The following USP34 variants were observed in gnomAD, a reference collection of about 807,000 sequenced individuals.
The protein encoded by USP34 is ubiquitin specific peptidase 34.
Under a neutral mutation model 460.3 loss-of-function variants are expected in USP34, and 70 were observed. The ratio of observed to expected loss-of-function variants is 0.15; its 90% CI spans 0.13 to 0.19. The LOEUF (loss-of-function observed/expected upper bound fraction) is 0.19. Among genes scored for constraint, USP34 ranks in the 10% least tolerant of loss-of-function variants. The pLI is 1.00. For missense variants in USP34, 3,985 were observed against 4,236.2 expected (o/e 0.94, Z 1.65); for synonymous variants, 1,647 against 1,405.3 (o/e 1.17, Z -3.85).
intron 1 of USP34, among the ~76,000 whole-genome samples, chr2:61,465,219 T>C (rs1265745449): frequency 6.6e-6 from 1 of 152,162 alleles, no homozygotes; most frequent in African/African-American, 2.4e-5. Context: ...GCAAGGGTAC[T>C]TATGATAGGA....
chr2:61,334,208 G>A (rs1451808835), intron 18 of USP34, among the ~76,000 whole-genome samples: 1 of 151,998 alleles, frequency 6.6e-6, no homozygotes, highest in Non-Finnish European at 1.5e-5. Flanking sequence ...ATAAATATCT[G>A]GGTAAAAAAG....
chr2:61,296,121 T>A (rs1690021175), intron 30 of USP34, among the ~76,000 whole-genome samples: 1 of 152,068 alleles, frequency 6.6e-6, no homozygotes, highest in South Asian at 2.1e-4. Context: ...GAGCCAGGCA[T>A]GGTGCACACG....
intron 1 of USP34, among the ~76,000 whole-genome samples, chr2:61,421,441 A>T (rs1039808565): frequency 1.3e-5 from 2 of 152,190 alleles, no homozygotes; most frequent in African/African-American, 4.8e-5. Context: ...AATAATAAAA[A>T]TTGAACATAA....
At chr2:61,229,521 C>T (rs766773474) in intron 59 of USP34, 27 bp downstream of exon 59, 4 of 1,395,634 alleles carry the variant, frequency 2.9e-6, no homozygotes, top group South Asian at 2.5e-5. Flanking sequence ...CACAGACACA[C>T]AAACTTATTC....
rs576705362 is a variant in USP34 at position 61,336,369 on chromosome 2, C to G, written c.2745-2398G>C. Among the ~76,000 whole-genome samples the G allele has an allele frequency of 3.9e-5, 6 of 152,036 alleles. No individual in the cohort carries two copies. The South Asian group carries it at 1.0e-3, about 26-fold the overall frequency. On this transcript the variant is annotated intron_variant, in intron 18 of 79. Transcript: ENST00000398571. ...CTCAAACTACTGGGCTCAATAGATGCCCCATCTCACCCTCTCAAAGTGTTG... is the reference window on the plus strand; with the variant it reads ...CTCAAACTACTGGGCTCAATAGATGGCCCATCTCACCCTCTCAAAGTGTTG...
intron 3 of USP34, among the ~76,000 whole-genome samples, chr2:61,400,069 A>C (rs1035480103): frequency 2.1e-4 from 27 of 126,200 alleles, no homozygotes; most frequent in African/African-American, 7.6e-4. Context: ...TTTAAAAGAG[A>C]AAACAGAGAG....
intron 27 of USP34, among the ~76,000 whole-genome samples, chr2:61,301,863 CCCTTTA>C (rs1558518454): frequency 1.3e-5 from 2 of 152,136 alleles, no homozygotes; most frequent in Non-Finnish European, 2.9e-5. Context: ...TCACCATTAA[CCCTTTA>C]CTCTCCTTTA....
chr2:61,222,213 T>C (rs1053783095), intron 65 of USP34, among the ~76,000 whole-genome samples: 2 of 152,250 alleles, frequency 1.3e-5, no homozygotes, highest in South Asian at 2.1e-4. Context: ...TTGACATCGA[T>C]TGTTAAAATA....
chr2:61,455,693 C>T (rs1027306817), intron 1 of USP34, among the ~76,000 whole-genome samples: 5 of 152,182 alleles, frequency 3.3e-5, no homozygotes, highest in Non-Finnish European at 7.3e-5. Context: ...CAAAACTAAA[C>T]TCCTCCCACT....
chr2:61,333,161 C>T (rs181736406), intron 19 of USP34, among the ~76,000 whole-genome samples: 94 of 152,118 alleles, frequency 6.2e-4, no homozygotes, highest in African/African-American at 2.2e-3. Context: ...AGACTTATTA[C>T]CAAAACATGG....
intron 2 of USP34, among the ~76,000 whole-genome samples, chr2:61,418,819 A>AT (rs1694274939): frequency 1.3e-5 from 2 of 152,352 alleles, no homozygotes; most frequent in South Asian, 4.1e-4. Flanking sequence ...AGAGTATAAC[A>AT]TTCCACTTTT....
Position 61,256,859 on chromosome 2 carries a change from G to A in USP34, c.6126+14C>T. On this transcript the variant is annotated intron_variant, in intron 47 of 79. Coordinates refer to ENST00000398571, the MANE Select transcript of USP34 (RefSeq NM_014709.4). ...AAAGCATAAAGTAAAAAAATTATGT[G>A]CATTATTACTCACATAAATGTTCTT... 1 of 1,545,964 alleles carries A rather than the reference G, an allele frequency of 6.5e-7. No individual in the cohort carries two copies. Among genetic ancestry groups the A allele is most frequent in the African/African-American group, 1.4e-5 (1 of 72,404 alleles).
Position 61,209,069 on chromosome 2 carries a change from T to G in USP34, c.8841-92A>C, listed in dbSNP as rs1003264112. The stretch of plus-strand genomic sequence containing the variant: ...AATAAAAAGAAATAAAATCATCATT[T>G]AAGCTCTCTGCTTTCCTACCTACAG... On this transcript the variant is annotated intron_variant, in intron 69 of 79. Coordinates refer to ENST00000398571, the MANE Select transcript of USP34 (RefSeq NM_014709.4). 6 of 708,698 alleles carry G rather than the reference T, an allele frequency of 8.5e-6. No individual in the cohort carries two copies. The African/African-American group carries it at 1.1e-4, about 13-fold the overall frequency. 43.9% of individuals were successfully genotyped at this position (708,698 alleles called of 1,614,324 possible).
intron 27 of USP34, 148 bp downstream of exon 27, chr2:61,311,392 A>G: frequency 1.1e-5 from 10 of 877,390 alleles, no homozygotes; most frequent in Non-Finnish European, 1.6e-5. Context: ...ACAGCAACAC[A>G]AGACAAACCA....
At chr2:61,297,095 T>C (rs1022915849) in intron 29 of USP34, among the ~76,000 whole-genome samples, 170 bp from the exon 30 acceptor site, 4 of 152,242 alleles carry the variant, frequency 2.6e-5, no homozygotes, top group Non-Finnish European at 5.9e-5. Context: ...AGAAAATTAA[T>C]AGCCAAGCAG....
chr2:61,337,018 T>C (rs921514813), intron 18 of USP34, among the ~76,000 whole-genome samples: 3 of 152,166 alleles, frequency 2.0e-5, no homozygotes, highest in Non-Finnish European at 4.4e-5. Context: ...CAGTTTTCTC[T>C]TTCTATTGAA....
In USP34 at chr2:61,300,975, T is replaced by C. The variant is rs1690201805; in HGVS notation, c.4104A>G (p.Gly1368=). ...CCTCACTATCATCCACTGCCACTTT[T>C]CCTGAGGGTGGTTTAAATGATGCAA... ...EMLASFKPPS[G]KVAVDDSESL... is the part of the protein sequence containing the mutation. Residue 1368 remains glycine (G), a synonymous_variant, in exon 29 of 80, where the codon GGA becomes GGG. Coordinates refer to ENST00000398571, the MANE Select transcript of USP34 (RefSeq NM_014709.4). The C allele has an allele frequency of 6.2e-7, 1 of 1,612,618 alleles. No homozygotes were observed. Among genetic ancestry groups the C allele is most frequent in the African/African-American group, 1.3e-5 (1 of 74,968 alleles).
At chr2:61,370,637 TA>T (rs1692593020) in intron 8 of USP34, 58 bp from the exon 9 acceptor site, 13 of 1,511,164 alleles carry the variant, frequency 8.6e-6, no homozygotes, top group Middle Eastern at 2.2e-4. Flanking sequence ...TTCTCATGTC[TA>T]AAAGGTAGAG....
In USP34 at chr2:61,428,542, C is replaced by G. The variant is rs1694575364; in HGVS notation, c.44-7709G>C. ...ACCCCATGGAAGAACACAACACAAC[C>G]TATAAAACAGTCTTGCCAAGAAATT... On this transcript the variant is annotated intron_variant, in intron 1 of 79. Coordinates refer to ENST00000398571, the MANE Select transcript of USP34 (RefSeq NM_014709.4). 2.0e-5 allele frequency among the ~76,000 whole-genome samples: 3 copies of G among 152,254 alleles called. No homozygotes were observed. In the South Asian group the frequency reaches 6.2e-4, roughly 32 times the overall value.
Sources: allele counts gnomAD v4.1 joint callset (sites outside exome capture counted in the v4.1 genomes callset), GRCh38; gene constraint gnomAD v4.1.1; transcripts MANE v1.5; gene names NCBI Gene and HGNC (gene_info 2026-07-23, HGNC 2026-07-21).